The following DENND1B variants were observed in gnomAD, a reference collection of about 807,000 sequenced individuals.
DENND1B encodes the protein DENN domain containing 1B.
Under a neutral mutation model 90.1 loss-of-function variants are expected in DENND1B, and 59 were observed. The observed-to-expected ratio is 0.65, with a 90% CI of 0.53 to 0.81. The LOEUF (loss-of-function observed/expected upper bound fraction) is 0.81, where lower values mean the gene tolerates loss of function less well. DENND1B is among the 40% of genes least tolerant of loss of function. DENND1B has a pLI of 0.00. For missense variants in DENND1B, 862 were observed against 912.6 expected, an observed-to-expected ratio of 0.94 and a Z score of 0.71; for synonymous variants, 337 against 324.6, an observed-to-expected ratio of 1.04 and a Z score of -0.41.
intron 2 of DENND1B, among the ~76,000 whole-genome samples, chr1:197,745,644 T>C (rs2488391): frequency 0.3 from 44,097 of 146,296 alleles, 6,901 homozygotes; most frequent in Middle Eastern, 0.4. Flanking sequence ...ATATATAATA[T>C]ATATAATAAT....
intron 15 of DENND1B, among the ~76,000 whole-genome samples, chr1:197,575,080 T>C (rs1161502322): frequency 1.3e-5 from 2 of 152,008 alleles, no homozygotes; most frequent in Non-Finnish European, 1.5e-5. Context: ...AAAGCCAAAA[T>C]AGACAAATGG....
rs1197737837 is a variant in DENND1B, at chr1:197,775,127, C to A, written c.17+12G>T. The A allele has an allele frequency of 6.2e-6, 8 of 1,283,526 alleles. No individual in the cohort carries two copies. The Admixed American group carries it at 1.6e-4, about 26-fold the overall frequency. 79.5% of individuals were successfully genotyped at this position (1,283,526 alleles called of 1,614,324 possible). A position where few individuals can be genotyped will look rare whatever the true frequency, so the allele number is the denominator to read the frequency against. ...ACGCCCGCCCCCGACGCGCCCGGGC[C>A]CCCCCACTCACTTGGTCCTGCAGTC... On this transcript the variant is annotated intron_variant, in intron 1 of 22. Transcript: ENST00000620048.
At chr1:197,751,861 C>T (rs912364025) in intron 2 of DENND1B, among the ~76,000 whole-genome samples, 4 of 126,270 alleles carry the variant, frequency 3.2e-5, no homozygotes, top group Non-Finnish European at 6.5e-5. Context: ...GAAGGGAAGG[C>T]AGGGGAAGAA....
rs12025926 is a variant in DENND1B, at chr1:197,626,214, T to A, written c.673-8455A>T. Among the ~76,000 whole-genome samples the A allele has an allele frequency of 1.8e-3, 273 of 152,150 alleles. 7 individuals are homozygous for A. The East Asian group carries it at 0.047, about 26-fold the overall frequency. Reference sequence around the variant, plus strand: ...AACTCTCCACCCCAAATCAACAGAATATACATTTTTTTCAGCACCATACCA... The same window carrying A: ...AACTCTCCACCCCAAATCAACAGAAAATACATTTTTTTCAGCACCATACCA... On this transcript the variant is annotated intron_variant, in intron 10 of 22. Transcript: ENST00000620048.
At chr1:197,779,668 T>TG, upstream of DENND1B, among the ~76,000 whole-genome samples, 2 of 151,882 alleles carry the variant, frequency 1.3e-5, no homozygotes, top group South Asian at 4.1e-4. Context: ...GTCACCCATT[T>TG]AGTTTTTAAT....
intron 11 of DENND1B, among the ~76,000 whole-genome samples, chr1:197,612,562 T>G (rs1311996335): frequency 2.0e-5 from 3 of 150,684 alleles, no homozygotes; most frequent in African/African-American, 7.3e-5. Flanking sequence ...TCACCTACTG[T>G]GCTATCTTTC....
At chr1:197,618,260 TGTTCGACA>T (rs1026011778) in intron 10 of DENND1B, among the ~76,000 whole-genome samples, 2 of 151,172 alleles carry the variant, frequency 1.3e-5, no homozygotes, top group Non-Finnish European at 3.0e-5. Flanking sequence ...GGGACTTGAA[TGTTCGACA>T]GTTGGAGCTT....
chr1:197,637,406 T>A (rs1679893523), intron 10 of DENND1B, among the ~76,000 whole-genome samples: 1 of 152,154 alleles, frequency 6.6e-6, no homozygotes, highest in Non-Finnish European at 1.5e-5. Context: ...TAAAAGCCAA[T>A]TATTTACTTT....
chr1:197,575,966 G>A (rs1314520745), intron 15 of DENND1B, among the ~76,000 whole-genome samples: 1 of 152,128 alleles, frequency 6.6e-6, no homozygotes, highest in Admixed American at 6.5e-5. Flanking sequence ...AGCATTAGGA[G>A]AAATACCTAA....
chr1:197,763,138 C>A (rs1655301143), intron 2 of DENND1B, among the ~76,000 whole-genome samples: 1 of 152,162 alleles, frequency 6.6e-6, no homozygotes, highest in South Asian at 2.1e-4. Context: ...GAGTGAGACC[C>A]CATCTGTACA....
chr1:197,622,344 G>A (rs1678249064), intron 10 of DENND1B, among the ~76,000 whole-genome samples: 2 of 151,198 alleles, frequency 1.3e-5, no homozygotes, highest in Non-Finnish European at 3.0e-5. Flanking sequence ...TCAACCAACT[G>A]CCCACGATCA....
intron 2 of DENND1B, among the ~76,000 whole-genome samples, chr1:197,744,390 A>T (rs1663509909): frequency 6.6e-6 from 1 of 152,242 alleles, no homozygotes; most frequent in Admixed American, 6.5e-5. Context: ...CATGGGCTGC[A>T]GAATGGATAT....
chr1:197,589,210 G>C (rs890100193), intron 14 of DENND1B, among the ~76,000 whole-genome samples: 7 of 152,042 alleles, frequency 4.6e-5, no homozygotes, highest in Non-Finnish European at 1.0e-4. Context: ...AAACATATCA[G>C]TGATATATAA....
chr1:197,630,470 A>T (rs1338838657), intron 10 of DENND1B, among the ~76,000 whole-genome samples: 13 of 152,240 alleles, frequency 8.5e-5, no homozygotes, highest in Admixed American at 7.9e-4. Flanking sequence ...ATTACTTCCT[A>T]AATGCCCTAA....
intron 5 of DENND1B, among the ~76,000 whole-genome samples, chr1:197,668,344 A>G (rs1655149610): frequency 6.6e-6 from 1 of 151,772 alleles, no homozygotes; most frequent in Admixed American, 6.6e-5. Context: ...ACAAAAGACA[A>G]AAATCCCTGC....
chr1:197,767,200 T>A (rs1208820754), intron 2 of DENND1B, among the ~76,000 whole-genome samples: 1 of 152,046 alleles, frequency 6.6e-6, no homozygotes, highest in South Asian at 2.1e-4. Flanking sequence ...AGAACTTACC[T>A]CAAGCAGGGC....
chr1:197,650,958 C>T (rs1653088642), intron 7 of DENND1B, among the ~76,000 whole-genome samples: 2 of 152,086 alleles, frequency 1.3e-5, no homozygotes. Context: ...TATCACAAAT[C>T]ACCACTAAAG....
intron 13 of DENND1B, chr1:197,605,690 G>A (rs1430970612): frequency 1.3e-5 from 2 of 150,786 alleles, no homozygotes; most frequent in Non-Finnish European, 3.0e-5. Flanking sequence ...TTTATAATGA[G>A]GTAATCTAGT....
chr1:197,539,018 T>G (rs1670129817), intron 20 of DENND1B, among the ~76,000 whole-genome samples: 1 of 152,148 alleles, frequency 6.6e-6, no homozygotes, highest in African/African-American at 2.4e-5. Context: ...AATAAACTTC[T>G]GTTCTTTACA....
Sources: allele counts gnomAD v4.1 joint callset (sites outside exome capture counted in the v4.1 genomes callset), GRCh38; gene constraint gnomAD v4.1.1; transcripts MANE v1.5; gene names NCBI Gene and HGNC (gene_info 2026-07-23, HGNC 2026-07-21).